The following EML1 variants were observed in gnomAD, a reference collection of about 807,000 sequenced individuals.
EML1 encodes echinoderm microtubule-associated protein-like 1.
In EML1, 27 loss-of-function variants were observed where a neutral mutation model predicts 110.4. That is an observed-to-expected ratio of 0.24 (90% CI 0.18 to 0.34). EML1 has a LOEUF of 0.34. Among genes scored for constraint, EML1 ranks in the 10% least tolerant of loss-of-function variants. EML1 has a pLI of 1.00. For synonymous variants in EML1, 344 were observed against 385.8 expected (o/e 0.89, Z 1.27); for missense variants, 741 against 1,030.9 (o/e 0.72, Z 3.85).
chr14:99,745,416 G>A (rs1464447411), intron 1 of EML1, among the ~76,000 whole-genome samples: 2 of 152,070 alleles, frequency 1.3e-5, no homozygotes, highest in South Asian at 2.1e-4. Context: ...ACACACACAC[G>A]CACACACTAT....
At chr14:99,769,042 A>G (rs2057395971), upstream of EML1, among the ~76,000 whole-genome samples, 1 of 152,046 alleles carries the variant, frequency 6.6e-6, no homozygotes, top group Admixed American at 6.6e-5. Context: ...TTTTGACAGC[A>G]GTTTGGGGAT....
At chr14:99,855,996 A>G (rs1296365899) in intron 2 of EML1, among the ~76,000 whole-genome samples, 1 of 152,164 alleles carries the variant, frequency 6.6e-6, no homozygotes, top group African/African-American at 2.4e-5. Flanking sequence ...TCAGAATACT[A>G]CTCATAGGTA....
intron 1 of EML1, among the ~76,000 whole-genome samples, chr14:99,750,201 A>C (rs893189646): frequency 6.6e-6 from 1 of 152,194 alleles, no homozygotes; most frequent in Non-Finnish European, 1.5e-5. Context: ...CCCCGGAGGG[A>C]ACAATTCACG....
rs61462221 is a variant in EML1 at position 99,919,659 on chromosome 14, A to G, written c.1821-1130A>G. Among the ~76,000 whole-genome samples the G allele has an allele frequency of 3.6e-3, 554 of 152,282 alleles. 5 individuals carry two copies. The highest frequency in any genetic ancestry group is 0.012 in the African/African-American group (513 of 41,550). ...ATCGGGTCACCTAATCCAGCCCCTC[A>G]TCTGTACCTCTTGCCATTCAGGTCC... On this transcript the variant is annotated intron_variant, in intron 16 of 21. Transcript: ENST00000262233.
At chr14:99,796,490 C>T (rs199823516) in intron 1 of EML1, among the ~76,000 whole-genome samples, 1 of 136,900 alleles carries the variant, frequency 7.3e-6, no homozygotes. Context: ...AAATCACAAG[C>T]TTTTTTTTTT....
At chr14:99,916,017 C>T (rs2060028649) in intron 15 of EML1, among the ~76,000 whole-genome samples, 1 of 152,218 alleles carries the variant, frequency 6.6e-6, no homozygotes, top group African/African-American at 2.4e-5. Flanking sequence ...AGGTGTGGCC[C>T]GTGATGGCAG....
Position 99,909,495 on chromosome 14 carries a change from G to T in EML1, c.1239+16G>T. On this transcript the variant is annotated intron_variant, in intron 11 of 21. Transcript: ENST00000262233. ...ATTATTCGAGGTAAAGTTAAATTAT[G>T]ATTTTTGCTTTATTTTTCTCTCGTA... The T allele has an allele frequency of 1.2e-6, 2 of 1,613,902 alleles. No individual in the cohort carries two copies. Among genetic ancestry groups the T allele is most frequent in the South Asian group, 2.2e-5 (2 of 91,024 alleles).
chr14:99,810,989 A>C (rs78498814), intron 1 of EML1, among the ~76,000 whole-genome samples: 6,009 of 152,156 alleles, frequency 0.039, 166 homozygotes, highest in Non-Finnish European at 0.055. Context: ...TCACATGGTA[A>C]AGTATTTCTG....
chr14:99,806,989 G>A (rs2057988539), intron 1 of EML1, among the ~76,000 whole-genome samples: 1 of 152,158 alleles, frequency 6.6e-6, no homozygotes, highest in African/African-American at 2.4e-5. Flanking sequence ...GAAGGATCTG[G>A]ACTGGAGTCT....
chr14:99,768,189 G>A (rs1054931559), upstream of EML1, among the ~76,000 whole-genome samples: 3 of 152,192 alleles, frequency 2.0e-5, no homozygotes, highest in Admixed American at 6.5e-5. Context: ...AGAAAGCTTC[G>A]AAAGCATAAA....
At chr14:99,840,169 G>T (rs1334452861) in intron 1 of EML1, among the ~76,000 whole-genome samples, 4 of 152,142 alleles carry the variant, frequency 2.6e-5, no homozygotes, top group African/African-American at 7.2e-5. Context: ...TTGAGCAAAG[G>T]GTTATTATTT....
At chr14:99,911,695 A>G (rs766863998) in intron 13 of EML1, 119 bp downstream of exon 13, 1 of 1,075,774 alleles carries the variant, frequency 9.3e-7, no homozygotes, top group Non-Finnish European at 1.3e-6. Context: ...ATCACATTAT[A>G]TGGGAGCAAT....
intron 2 of EML1, among the ~76,000 whole-genome samples, chr14:99,855,431 C>T (rs1323630922): frequency 2.0e-5 from 3 of 152,194 alleles, no homozygotes; most frequent in Non-Finnish European, 4.4e-5. Context: ...CAGGGGTTTA[C>T]TCACATGTGT....
rs117862534 is a variant in EML1, at chr14:99,878,633, A to G, written c.518+14A>G. 192 of 1,611,136 alleles carry G rather than the reference A, an allele frequency of 1.2e-4. No individual in the cohort carries two copies. The East Asian group carries it at 3.9e-3, about 33-fold the overall frequency. On this transcript the variant is annotated intron_variant, in intron 4 of 21. Coordinates refer to ENST00000262233, the MANE Select transcript of EML1 (RefSeq NM_004434.3). ...GAACAGTGAAAGGTAAGGACGTCTT[A>G]TCTCTCAGTTCCTGCTGTTCAGATA...
rs372975910 is a variant in EML1 at position 99,753,311 on chromosome 14, A to C, written c.28+15451A>C. On this transcript the variant is annotated intron_variant, in intron 1 of 10. Coordinates refer to the EML1 transcript ENST00000554479. ...CAGCTAACAAGACACTTCAGGGGGA[A>C]GTCCTCATTGCAATTAAGTCCGAAC... Among the ~76,000 whole-genome samples the C allele has an allele frequency of 5.3e-5, 8 of 151,172 alleles. No individual in the cohort carries two copies. In the East Asian group the frequency reaches 5.8e-4, roughly 11 times the overall value.
intron 2 of EML1, among the ~76,000 whole-genome samples, chr14:99,864,429 G>A (rs1437235164): frequency 6.6e-6 from 1 of 152,148 alleles, no homozygotes; most frequent in Non-Finnish European, 1.5e-5. Flanking sequence ...TCTTCTAGAA[G>A]TTTTATAGTT....
chr14:99,891,325 A>G, intron 5 of EML1, 98 bp downstream of exon 5: 1 of 1,491,760 alleles, frequency 6.7e-7, no homozygotes, highest in African/African-American at 1.4e-5. Context: ...CCAGCCTTGG[A>G]CACACAGGAG....
rs57818494 is a variant in EML1 at position 99,796,186 on chromosome 14, C to CAGAGAGAGAGAGAGAGAGAGAG, written c.67+2667_67+2688dup. Among the ~76,000 whole-genome samples, 119 of 119,278 alleles carry CAGAGAGAGAGAGAGAGAGAGAG rather than the reference C, an allele frequency of 1.0e-3. 1 individual carries two copies. The highest frequency in any genetic ancestry group is 3.1e-3 in the East Asian group (13 of 4,178). 78.3% of individuals were successfully genotyped at this position (119,278 alleles called of 152,430 possible). A position where few individuals can be genotyped will look rare whatever the true frequency, so the allele number is the denominator to read the frequency against. ...TGGGTGACAAAGTGAGACCCTGTCT[C>CAGAGAGAGAGAGAGAGAGAGAG]AGAGAGAGAGAGAGAGAGAGAGAGA... On this transcript the variant is annotated intron_variant, in intron 1 of 21. Coordinates refer to ENST00000262233, the MANE Select transcript of EML1 (RefSeq NM_004434.3).
rs564800115 is a variant in EML1 at position 99,764,001 on chromosome 14, C to T, written c.28+26141C>T. On this transcript the variant is annotated intron_variant, in intron 1 of 10. Transcript: ENST00000554479. ...GCCGCCCTTTTCTTCTTGCTAACAC[C>T]GCCAGGCAGCCGAGGTCCCCAAGTG... Among the ~76,000 whole-genome samples the T allele has an allele frequency of 1.2e-4, 19 of 152,284 alleles. No homozygotes were observed. The East Asian group carries it at 2.5e-3, about 20-fold the overall frequency.
Sources: allele counts gnomAD v4.1 joint callset (sites outside exome capture counted in the v4.1 genomes callset), GRCh38; gene constraint gnomAD v4.1.1; transcripts MANE v1.5; gene names NCBI Gene and HGNC (gene_info 2026-07-23, HGNC 2026-07-21).